UBE2O: variants seen among roughly 807,000 people sequenced by gnomAD.
The protein encoded by UBE2O is ubiquitin conjugating enzyme E2 O.
A neutral mutation model predicts 125.8 loss-of-function variants in UBE2O; 15 were observed. That is an observed-to-expected ratio of 0.12 (90% CI 0.08 to 0.18). The LOEUF (loss-of-function observed/expected upper bound fraction) is 0.18, where lower values mean the gene tolerates loss of function less well. UBE2O is among the 10% of genes least tolerant of loss of function. The probability of loss-of-function intolerance (pLI) is 1.00; values close to 1 mark genes in which losing one functional copy is unlikely to be tolerated. For synonymous variants in UBE2O, 708 were observed against 703.2 expected (o/e 1.01, Z -0.11); for missense variants, 1,280 against 1,723.6 (o/e 0.74, Z 4.56).
chr17:76,446,445 G>GA (rs1390687000), intron 1 of UBE2O, among the ~76,000 whole-genome samples: 1 of 139,108 alleles, frequency 7.2e-6, no homozygotes, highest in African/African-American at 2.9e-5. Context: ...ACAGGAAAAT[G>GA]AAAAAACAAA....
intron 1 of UBE2O, among the ~76,000 whole-genome samples, chr17:76,416,208 G>A (rs1427470686): frequency 6.6e-6 from 1 of 150,966 alleles, no homozygotes; most frequent in Non-Finnish European, 1.5e-5. Context: ...ATATGTGTGT[G>A]TATATGTATG....
chr17:76,435,254 G>GGTA (rs748438911), intron 1 of UBE2O, among the ~76,000 whole-genome samples: 5 of 152,066 alleles, frequency 3.3e-5, no homozygotes, highest in Non-Finnish European at 7.4e-5. Flanking sequence ...ATATAAAAAA[G>GGTA]GTATACTCAC....
At chr17:76,415,894 C>T (rs1461075644) in intron 1 of UBE2O, among the ~76,000 whole-genome samples, 40 of 149,426 alleles carry the variant, frequency 2.7e-4, no homozygotes, top group Admixed American at 2.4e-3. Flanking sequence ...TGTACATACA[C>T]GTATATACAA....
At chr17:76,414,605 G>A (rs998596415) in intron 1 of UBE2O, among the ~76,000 whole-genome samples, 9 of 152,316 alleles carry the variant, frequency 5.9e-5, no homozygotes, top group East Asian at 1.9e-4. Flanking sequence ...CAGTGCTGCT[G>A]CATCACCGCC....
At chr17:76,421,499 G>A (rs1187542887) in intron 1 of UBE2O, among the ~76,000 whole-genome samples, 1 of 152,134 alleles carries the variant, frequency 6.6e-6, no homozygotes, top group Admixed American at 6.5e-5. Context: ...ACAAGTAGCT[G>A]GGATTACAGG....
chr17:76,424,651 G>C (rs1176492346), intron 1 of UBE2O, among the ~76,000 whole-genome samples: 1 of 151,948 alleles, frequency 6.6e-6, no homozygotes, highest in Non-Finnish European at 1.5e-5. Context: ...AAGGTGGGAG[G>C]ATTGCTTGAG....
chr17:76,446,987 A>T (rs900983255), intron 1 of UBE2O, among the ~76,000 whole-genome samples: 7 of 152,216 alleles, frequency 4.6e-5, no homozygotes, highest in South Asian at 4.1e-4. Context: ...GTGCGAATGC[A>T]GTGTTCCTCC....
At chr17:76,414,115 A>G (rs970446684) in intron 1 of UBE2O, among the ~76,000 whole-genome samples, 1 of 152,158 alleles carries the variant, frequency 6.6e-6, no homozygotes, top group Non-Finnish European at 1.5e-5. Flanking sequence ...CAAAGCACAA[A>G]TGGCCAGGGG....
intron 1 of UBE2O, among the ~76,000 whole-genome samples, chr17:76,432,849 C>T (rs2072926106): frequency 6.6e-6 from 1 of 152,204 alleles, no homozygotes; most frequent in African/African-American, 2.4e-5. Flanking sequence ...CTCAGCATCA[C>T]TCATCACTAG....
chr17:76,406,195 C>T (rs187100628), intron 1 of UBE2O, among the ~76,000 whole-genome samples: 5 of 152,352 alleles, frequency 3.3e-5, no homozygotes, highest in South Asian at 4.1e-4. Flanking sequence ...GCCAACTGCA[C>T]GAGCACCTGA....
At chr17:76,436,482 G>C (rs1030337104) in intron 1 of UBE2O, among the ~76,000 whole-genome samples, 12 of 151,930 alleles carry the variant, frequency 7.9e-5, no homozygotes, top group Admixed American at 5.9e-4. Flanking sequence ...TTTTTCTTCG[G>C]TGCTGGATTG....
chr17:76,416,777 T>A (rs1441214417), intron 1 of UBE2O, among the ~76,000 whole-genome samples: 1 of 152,116 alleles, frequency 6.6e-6, no homozygotes, highest in Non-Finnish European at 1.5e-5. Flanking sequence ...ACTGCCCACC[T>A]TTGCACCTCC....
chr17:76,403,500 G>A (rs1263743350), intron 3 of UBE2O, among the ~76,000 whole-genome samples: 1 of 152,054 alleles, frequency 6.6e-6, no homozygotes, highest in Non-Finnish European at 1.5e-5. Context: ...TTAAACTCTT[G>A]AGCTCAAGTG....
Position 76,400,131 on chromosome 17 carries a change from A to G in UBE2O, c.1155+16T>C. The G allele has an allele frequency of 6.2e-7, 1 of 1,607,680 alleles. No individual in the cohort carries two copies. The highest frequency in any genetic ancestry group is 8.5e-7 in the Non-Finnish European group (1 of 1,176,040). On this transcript the variant is annotated intron_variant, in intron 8 of 17. Coordinates refer to ENST00000319380, the MANE Select transcript of UBE2O (RefSeq NM_022066.4). This position sits in a 1 kb window ranked among gnomAD's most constrained non-coding sequence, Gnocchi z 4.3. ...GTTCCTCAAATGCCCACCAATCCCC[A>G]ACCCCAAGGACATACCTTCTTGGCC... is the stretch of plus-strand genomic sequence containing the variant.
At chr17:76,415,781 G>A (rs2143776680) in intron 1 of UBE2O, among the ~76,000 whole-genome samples, 1 of 148,750 alleles carries the variant, frequency 6.7e-6, no homozygotes, top group African/African-American at 2.5e-5. Context: ...TCCAGCTTGG[G>A]CAACAGAGCA....
At chr17:76,428,425 A>G (rs2072847248) in intron 1 of UBE2O, among the ~76,000 whole-genome samples, 1 of 152,198 alleles carries the variant, frequency 6.6e-6, no homozygotes, top group Admixed American at 6.5e-5. Flanking sequence ...GCCTTCGTCA[A>G]CTTCAAAGAA....
chr17:76,410,788 T>C lies in UBE2O; in HGVS notation c.418-5216A>G, dbSNP rs1171051875. Among the ~76,000 whole-genome samples, 1 of 152,072 alleles carries C rather than the reference T, an allele frequency of 6.6e-6. No individual in the cohort carries two copies. Among genetic ancestry groups the C allele is most frequent in the Non-Finnish European group, 1.5e-5 (1 of 68,012 alleles). The stretch of plus-strand genomic sequence containing the variant: ...CACTCTCCCTCCACGGCTGCCTGAC[T>C]CCCAAGGCACATGCTGCTTCTCTGA... On this transcript the variant is annotated intron_variant, in intron 1 of 17. Transcript: ENST00000319380. The surrounding 1 kb of genome is among the most constrained non-coding windows in gnomAD (Gnocchi z 4.0).
intron 1 of UBE2O, among the ~76,000 whole-genome samples, chr17:76,435,216 A>G (rs2072970135): frequency 6.6e-6 from 1 of 152,222 alleles, no homozygotes; most frequent in Non-Finnish European, 1.5e-5. Context: ...AGTTGTACAG[A>G]AAGCTACTAT....
chr17:76,426,940 T>C (rs2072823580), intron 1 of UBE2O, among the ~76,000 whole-genome samples: 1 of 152,196 alleles, frequency 6.6e-6, no homozygotes, highest in South Asian at 2.1e-4. Context: ...GAAAATGTCC[T>C]TATTTGTTCC....
Sources: allele counts gnomAD v4.1 joint callset (sites outside exome capture counted in the v4.1 genomes callset), GRCh38; gene constraint gnomAD v4.1.1; non-coding constraint Gnocchi (gnomAD v3.1); transcripts MANE v1.5; gene names NCBI Gene and HGNC (gene_info 2026-07-23, HGNC 2026-07-21).